The following ATP9A variants were observed in gnomAD, a reference collection of about 807,000 sequenced individuals.
ATP9A encodes the protein ATPase phospholipid transporting 9A, also known as probable phospholipid-transporting ATPase IIA.
ATP9A carries 52 observed loss-of-function variants against 144.1 expected under a neutral mutation model. The observed-to-expected ratio is 0.36, with a 90% CI of 0.29 to 0.45. The LOEUF (loss-of-function observed/expected upper bound fraction) is 0.45. ATP9A is among the 20% of genes least tolerant of loss of function. The pLI is 1.00. For synonymous variants in ATP9A, 582 were observed against 557.4 expected (o/e 1.04, Z -0.62); for missense variants, 947 against 1,392.7 (o/e 0.68, Z 5.09).
chr20:51,757,307 C>T (rs576496305), intron 1 of ATP9A, among the ~76,000 whole-genome samples: 31 of 152,152 alleles, frequency 2.0e-4, no homozygotes, highest in Non-Finnish European at 4.3e-4. Flanking sequence ...TGTGAGCCAC[C>T]AAGCCCGGCC....
At chr20:51,697,604 C>T in intron 4 of ATP9A, 122 bp from the exon 5 acceptor site, 1 of 792,284 alleles carries the variant, frequency 1.3e-6, no homozygotes, top group South Asian at 1.6e-5. Context: ...CCACACACAG[C>T]TGCCAGTGAC....
At position 51,603,902 on chromosome 20, in the gene ATP9A, ACC is replaced by A. The variant is rs763406438; in HGVS notation, c.3007+913_3007+914del. ...TTCAGGCGATTCTTCTGCCTCAGCC[ACC>A]CAAGTAGCTGGGACTACAGGTGTGT... On this transcript the variant is annotated intron_variant, in intron 27 of 27. Transcript: ENST00000338821. Among the ~76,000 whole-genome samples the A allele has an allele frequency of 1.3e-4, 20 of 152,112 alleles. 4 individuals carry two copies. Among genetic ancestry groups the A allele is most frequent in the East Asian group, 3.9e-4 (2 of 5,178 alleles).
intron 14 of ATP9A, 135 bp downstream of exon 14, chr20:51,656,803 T>C (rs2077388520): frequency 1.4e-6 from 1 of 740,138 alleles, no homozygotes; most frequent in Non-Finnish European, 2.2e-6. Flanking sequence ...TATTTGAAAA[T>C]GTGTTTCCCA....
At chr20:51,755,350 G>A (rs965219116) in intron 1 of ATP9A, among the ~76,000 whole-genome samples, 3 of 151,704 alleles carry the variant, frequency 2.0e-5, no homozygotes, top group African/African-American at 7.3e-5. Context: ...CAGGAGAATC[G>A]CTTGAACCCA....
intron 1 of ATP9A, among the ~76,000 whole-genome samples, chr20:51,747,679 G>T (rs1314136838): frequency 1.3e-5 from 2 of 152,132 alleles, no homozygotes; most frequent in African/African-American, 2.4e-5. Flanking sequence ...TGGGACTGTC[G>T]CCTTTCCCTG....
intron 15 of ATP9A, among the ~76,000 whole-genome samples, chr20:51,631,394 T>A (rs559617436): frequency 6.6e-5 from 10 of 151,806 alleles, no homozygotes; most frequent in Admixed American, 5.9e-4. Context: ...GAATCAGAGG[T>A]TTTATTTTTT....
intron 11 of ATP9A, 52 bp from the exon 12 acceptor site, chr20:51,671,309 T>C: frequency 6.3e-7 from 1 of 1,580,902 alleles, no homozygotes; most frequent in South Asian, 1.1e-5. Context: ...TAAGGCTCCT[T>C]GTATCTTTAT....
chr20:51,702,997 T>G (rs1217421017), intron 4 of ATP9A, among the ~76,000 whole-genome samples: 1 of 151,630 alleles, frequency 6.6e-6, no homozygotes, highest in Non-Finnish European at 1.5e-5. Context: ...GTTTTTTTGT[T>G]GTTGTTTTGT....
chr20:51,608,698 C>T (rs2077173420), intron 24 of ATP9A, 72 bp from the exon 25 acceptor site: 1 of 910,346 alleles, frequency 1.1e-6, no homozygotes, highest in South Asian at 1.3e-5. Context: ...CAGCCTCCGG[C>T]ACCCAAGTCC....
intron 1 of ATP9A, among the ~76,000 whole-genome samples, chr20:51,733,196 G>A: frequency 6.6e-6 from 1 of 152,174 alleles, no homozygotes; most frequent in Non-Finnish European, 1.5e-5. Context: ...ACTGCACTAT[G>A]GGAGCAAGAG....
In ATP9A at chr20:51,663,742, G is replaced by A. The variant is rs562701262; in HGVS notation, c.1293+6255C>T. On this transcript the variant is annotated intron_variant, in intron 13 of 27. Coordinates refer to ENST00000338821, the MANE Select transcript of ATP9A (RefSeq NM_006045.3). Reference sequence around the variant, plus strand: ...CCGGGAGGTGGAGCTTGCAGTGAGCGGAGATCGCGCCACTGCACTCCAGCC... The same window carrying A: ...CCGGGAGGTGGAGCTTGCAGTGAGCAGAGATCGCGCCACTGCACTCCAGCC... 2.6e-4 allele frequency among the ~76,000 whole-genome samples: 38 copies of A among 147,712 alleles called. No individual in the cohort carries two copies. In the East Asian group the frequency reaches 6.1e-3, roughly 24 times the overall value.
chr20:51,745,939 C>T (rs2122895607), intron 1 of ATP9A, among the ~76,000 whole-genome samples: 1 of 152,266 alleles, frequency 6.6e-6, no homozygotes, highest in Non-Finnish European at 1.5e-5. Context: ...AAATGCCCAT[C>T]AAAGACAGAC....
At chr20:51,639,318 T>C in intron 15 of ATP9A, 25 bp downstream of exon 15, 2 of 1,595,386 alleles carry the variant, frequency 1.3e-6, no homozygotes, top group East Asian at 2.3e-5. Flanking sequence ...TTAAGCACTT[T>C]AAGCCATGAA....
intron 24 of ATP9A, among the ~76,000 whole-genome samples, chr20:51,609,218 A>G (rs565156323): frequency 6.6e-6 from 1 of 152,302 alleles, no homozygotes; most frequent in African/African-American, 2.4e-5. Flanking sequence ...CGCACGGCGC[A>G]CAGCTCAGGG....
chr20:51,721,288 C>G (rs1336698242), intron 3 of ATP9A, among the ~76,000 whole-genome samples: 1 of 152,188 alleles, frequency 6.6e-6, no homozygotes, highest in Non-Finnish European at 1.5e-5. Context: ...TTAAGGAGAG[C>G]CTAAATCTTT....
chr20:51,666,538 G>A (rs750996450), intron 13 of ATP9A, among the ~76,000 whole-genome samples: 4 of 151,932 alleles, frequency 2.6e-5, no homozygotes, highest in South Asian at 2.1e-4. Flanking sequence ...AAAATTAGCC[G>A]GGCGTGGTGG....
At chr20:51,763,524 AG>A (rs1289443319) in intron 1 of ATP9A, among the ~76,000 whole-genome samples, 1 of 151,866 alleles carries the variant, frequency 6.6e-6, no homozygotes, top group African/African-American at 2.4e-5. Context: ...TGTGTTAGCC[AG>A]GATGGTCTGG....
intron 13 of ATP9A, among the ~76,000 whole-genome samples, chr20:51,665,681 A>C (rs1428871623): frequency 6.6e-6 from 1 of 151,692 alleles, no homozygotes; most frequent in Non-Finnish European, 1.5e-5. Flanking sequence ...CCAAGATAGC[A>C]CCACTACACT....
At chr20:51,764,811 T>C (rs1006879529) in intron 1 of ATP9A, among the ~76,000 whole-genome samples, 10 of 152,086 alleles carry the variant, frequency 6.6e-5, no homozygotes, top group African/African-American at 2.4e-4. Flanking sequence ...AACCTCCACA[T>C]CCTGGGTTCA....
Sources: gnomAD v4.1 joint callset for allele counts (sites outside exome capture counted in the v4.1 genomes callset) on GRCh38, gnomAD v4.1.1 for gene constraint, MANE v1.5 for transcripts, NCBI Gene and HGNC (gene_info 2026-07-23, HGNC 2026-07-21) for gene names.